The following MEI4 variants were observed in gnomAD, a reference collection of about 807,000 sequenced individuals.
MEI4 encodes the protein meiosis-specific protein MEI4.
Under a neutral mutation model 31.4 loss-of-function variants are expected in MEI4, and 27 were observed. The observed-to-expected ratio is 0.86, with a 90% confidence interval of 0.63 to 1.19. The LOEUF (loss-of-function observed/expected upper bound fraction) is 1.19, where lower values mean the gene tolerates loss of function less well. Among genes scored for constraint, MEI4 ranks in the 50% most tolerant of loss-of-function variants. MEI4 has a pLI of 0.00. For synonymous variants in MEI4, 122 were observed against 145.4 expected (o/e 0.84, Z 1.16); for missense variants, 329 against 398.9 (o/e 0.82, Z 1.49).
chr6:77,700,536 C>T lies in MEI4; in HGVS notation c.232+9633C>T, dbSNP rs533777098. On this transcript the variant is annotated intron_variant, in intron 2 of 4. Coordinates refer to ENST00000684080, the MANE Select transcript of MEI4 (RefSeq NM_001322247.2). ...GGAAAGGGAACTCCCTGACCCCTTGCGCTTCCCGAGTGAGGCAGTGCCTTG... is the reference window on the plus strand; with the variant it reads ...GGAAAGGGAACTCCCTGACCCCTTGTGCTTCCCGAGTGAGGCAGTGCCTTG... Among the ~76,000 whole-genome samples, 12 of 152,298 alleles carry T rather than the reference C, an allele frequency of 7.9e-5. No homozygotes were observed. In the South Asian group the frequency reaches 1.2e-3, roughly 16 times the overall value.
At chr6:77,798,649 C>A (rs555277109) in intron 3 of MEI4, among the ~76,000 whole-genome samples, 1,736 of 119,382 alleles carry the variant, frequency 0.015, 23 homozygotes, top group African/African-American at 0.051. Flanking sequence ...CCCCTCCCCC[C>A]ACCCCACAAC....
Position 77,665,068 on chromosome 6 carries a change from G to T in MEI4, c.-15+11976G>T, listed in dbSNP as rs201773350. Among the ~76,000 whole-genome samples the T allele has an allele frequency of 1.9e-4, 29 of 150,704 alleles. No homozygotes were observed. The East Asian group carries it at 5.4e-3, about 28-fold the overall frequency. On this transcript the variant is annotated intron_variant, in intron 1 of 4. Coordinates refer to ENST00000684080, the MANE Select transcript of MEI4 (RefSeq NM_001322247.2). ...GAGAGTAGAGAAATGGAGGGAAGGG[G>T]TTCGGGGGTTCTTACCTGCCAGAAA...
At chr6:77,892,865 G>C (rs1487480444) in intron 4 of MEI4, among the ~76,000 whole-genome samples, 1 of 151,992 alleles carries the variant, frequency 6.6e-6, no homozygotes, top group African/African-American at 2.4e-5. Flanking sequence ...TGCTGCATCT[G>C]CTTGGATCTT....
chr6:77,802,614 G>A (rs933368577), intron 3 of MEI4, among the ~76,000 whole-genome samples: 39 of 152,164 alleles, frequency 2.6e-4, no homozygotes, highest in African/African-American at 8.9e-4. Context: ...GGCACCAGTT[G>A]TTCCTTTCCA....
chr6:77,828,880 A>G, intron 3 of MEI4, 51 bp from the exon 4 acceptor site: 1 of 1,218,840 alleles, frequency 8.2e-7, no homozygotes, highest in Non-Finnish European at 1.0e-6. Flanking sequence ...TAGAAAATAC[A>G]TTTTGATTTG....
At chr6:77,908,236 T>C (rs539925069) in intron 4 of MEI4, among the ~76,000 whole-genome samples, 1 of 152,204 alleles carries the variant, frequency 6.6e-6, no homozygotes, top group Non-Finnish European at 1.5e-5. Flanking sequence ...GCCTATGTAC[T>C]GAATGGTATT....
chr6:77,867,857 C>T (rs1391309603), intron 4 of MEI4, among the ~76,000 whole-genome samples: 4 of 152,108 alleles, frequency 2.6e-5, no homozygotes, highest in Admixed American at 1.3e-4. Context: ...GCAAATGTGA[C>T]ACATATGCAC....
intron 4 of MEI4, among the ~76,000 whole-genome samples, chr6:77,858,864 G>GA (rs373789260): frequency 4.1e-5 from 6 of 147,170 alleles, no homozygotes; most frequent in East Asian, 2.0e-4. Context: ...ACCTTTAATG[G>GA]AAAAAAAATA....
chr6:77,655,873 T>C (rs1332913798), intron 1 of MEI4, among the ~76,000 whole-genome samples: 1 of 152,164 alleles, frequency 6.6e-6, no homozygotes, highest in Non-Finnish European at 1.5e-5. Context: ...ATTTTGGAAA[T>C]ATAGTAAAAT....
intron 4 of MEI4, among the ~76,000 whole-genome samples, chr6:77,872,842 G>A (rs1231640482): frequency 6.8e-6 from 1 of 148,118 alleles, no homozygotes; most frequent in Non-Finnish European, 1.5e-5. Flanking sequence ...TTGGTTTTTT[G>A]TCCTTGCAAT....
At chr6:77,830,831 A>T (rs561951072) in intron 4 of MEI4, among the ~76,000 whole-genome samples, 1 of 152,072 alleles carries the variant, frequency 6.6e-6, no homozygotes, top group Non-Finnish European at 1.5e-5. Context: ...GCTGTAGGAC[A>T]TTGGCCTGGA....
At chr6:77,787,189 C>T (rs1480427649) in intron 3 of MEI4, among the ~76,000 whole-genome samples, 1 of 152,148 alleles carries the variant, frequency 6.6e-6, no homozygotes, top group African/African-American at 2.4e-5. Context: ...TTCCTGTAAG[C>T]CATGTTCTTT....
chr6:77,924,742 AG>A lies in MEI4; in HGVS notation c.*1398del, dbSNP rs1425909384. On this transcript the variant is annotated 3_prime_UTR_variant, in exon 5 of 5. Coordinates refer to ENST00000684080, the MANE Select transcript of MEI4 (RefSeq NM_001322247.2). ...TGGCAATTGAGCAAGACGAAAGGCT[AG>A]GCTGAGAAATGTCACATTAGCACTT... 2.0e-5 allele frequency: 3 copies of A among 151,876 alleles called. No individual in the cohort carries two copies. Among genetic ancestry groups the A allele is most frequent in the Non-Finnish European group, 4.4e-5 (3 of 67,898 alleles). 9.4% of individuals were successfully genotyped at this position (151,876 alleles called of 1,614,324 possible).
At chr6:77,864,326 C>T (rs1243127822) in intron 4 of MEI4, among the ~76,000 whole-genome samples, 1 of 152,142 alleles carries the variant, frequency 6.6e-6, no homozygotes, top group Non-Finnish European at 1.5e-5. Context: ...GTGCTGTATT[C>T]AGGAAACCCA....
chr6:77,674,096 A>G (rs1026024700), intron 1 of MEI4, among the ~76,000 whole-genome samples: 3 of 152,190 alleles, frequency 2.0e-5, no homozygotes, highest in Non-Finnish European at 2.9e-5. Context: ...AGGTAGAGCA[A>G]TGCTTTAAAA....
intron 1 of MEI4, among the ~76,000 whole-genome samples, chr6:77,662,211 G>A (rs1012172425): frequency 6.6e-6 from 1 of 152,222 alleles, no homozygotes; most frequent in Non-Finnish European, 1.5e-5. Context: ...GAGAGGGGCA[G>A]AGTGGTAGCC....
At chr6:77,842,460 C>T (rs1320688537) in intron 4 of MEI4, among the ~76,000 whole-genome samples, 1 of 150,382 alleles carries the variant, frequency 6.6e-6, no homozygotes, top group African/African-American at 2.5e-5. Context: ...GGTTTTAAAT[C>T]AATAATATAA....
chr6:77,876,112 T>G (rs7764370), intron 4 of MEI4, among the ~76,000 whole-genome samples: 44,682 of 152,108 alleles, frequency 0.29, 7,139 homozygotes, highest in South Asian at 0.38. Context: ...AGCTTCACTG[T>G]TTCTTTATCT....
At chr6:77,687,373 C>G (rs1236059163) in intron 1 of MEI4, among the ~76,000 whole-genome samples, 2 of 152,100 alleles carry the variant, frequency 1.3e-5, no homozygotes, top group Non-Finnish European at 2.9e-5. Context: ...GCTGATCTTT[C>G]CTCAGTGAAA....
Sources: allele counts gnomAD v4.1 joint callset (sites outside exome capture counted in the v4.1 genomes callset), GRCh38; gene constraint gnomAD v4.1.1; transcripts MANE v1.5; gene names NCBI Gene and HGNC (gene_info 2026-07-23, HGNC 2026-07-21).